ABLIM3: variants seen among roughly 807,000 people sequenced by gnomAD.
The protein encoded by ABLIM3 is actin binding LIM protein family member 3, also known as actin-binding LIM protein 3.
In ABLIM3, 61 loss-of-function variants were observed where a neutral mutation model predicts 109.5. That is an observed-to-expected ratio of 0.56 (90% CI 0.45 to 0.69). The LOEUF (loss-of-function observed/expected upper bound fraction) is 0.69. Among genes scored for constraint, ABLIM3 ranks in the 30% least tolerant of loss-of-function variants. The probability of loss-of-function intolerance (pLI) is 0.00; values close to 1 mark genes in which losing one functional copy is unlikely to be tolerated. For synonymous variants in ABLIM3, 300 were observed against 324.8 expected, an observed-to-expected ratio of 0.92 and a Z score of 0.82; for missense variants, 796 against 889.5, an observed-to-expected ratio of 0.89 and a Z score of 1.34.
intron 8 of ABLIM3, chr5:149,217,331 C>A: frequency 4.2e-6 from 2 of 471,128 alleles, no homozygotes; most frequent in Non-Finnish European, 7.8e-6. Flanking sequence ...TCTCCTGGCT[C>A]TGCCTTGGGG....
intron 4 of ABLIM3, chr5:149,199,243 A>C: frequency 2.5e-6 from 1 of 395,082 alleles, no homozygotes. Context: ...CATCATAAGT[A>C]AAGCATGATT....
chr5:149,242,838 CT>C (rs1752993922), intron 15 of ABLIM3, among the ~76,000 whole-genome samples: 2 of 152,314 alleles, frequency 1.3e-5, no homozygotes, highest in South Asian at 4.1e-4. Context: ...GCACATGCCC[CT>C]GGGAGAGTCA....
At chr5:149,203,638 AC>A (rs1758693913) in intron 5 of ABLIM3, among the ~76,000 whole-genome samples, 1 of 151,812 alleles carries the variant, frequency 6.6e-6, no homozygotes, top group South Asian at 2.1e-4. Context: ...ACCTTCGCCA[AC>A]GCTACCATAA....
chr5:149,237,073 C>G (rs1335507657), intron 10 of ABLIM3, among the ~76,000 whole-genome samples: 2 of 152,166 alleles, frequency 1.3e-5, no homozygotes, highest in Non-Finnish European at 2.9e-5. Context: ...CTGTGTAGTT[C>G]AGGCTGAATT....
At chr5:149,249,764 C>A in intron 18 of ABLIM3, 51 bp from the exon 19 acceptor site, 2 of 1,610,816 alleles carry the variant, frequency 1.2e-6, no homozygotes, top group South Asian at 2.2e-5. Flanking sequence ...TTGTCTTCAC[C>A]ATGTTTGTCT....
intron 21 of ABLIM3, among the ~76,000 whole-genome samples, chr5:149,251,805 T>G (rs1272018704): frequency 6.6e-6 from 1 of 152,160 alleles, no homozygotes; most frequent in Non-Finnish European, 1.5e-5. Context: ...CCAGTGATGC[T>G]TTCACACCAA....
At chr5:149,242,952 G>C (rs980089735) in intron 15 of ABLIM3, among the ~76,000 whole-genome samples, 1 of 152,168 alleles carries the variant, frequency 6.6e-6, no homozygotes, top group Non-Finnish European at 1.5e-5. Context: ...TTCTGTATGT[G>C]TCACGGTTTC....
chr5:149,214,801 C>T (rs775322496), intron 7 of ABLIM3, among the ~76,000 whole-genome samples: 4 of 152,182 alleles, frequency 2.6e-5, no homozygotes, highest in African/African-American at 9.7e-5. Flanking sequence ...TCCTTCCATC[C>T]CTGTCTGTTT....
At position 149,250,511 on chromosome 5, in the gene ABLIM3, A is replaced by T; in HGVS notation, c.1788+6A>T. 1 of 1,614,156 alleles carries T rather than the reference A, an allele frequency of 6.2e-7. No individual in the cohort carries two copies. The highest frequency in any genetic ancestry group is 2.2e-5 in the East Asian group (1 of 44,866). On this transcript the variant is annotated splice_donor_region_variant and intron_variant, in intron 20 of 23. Transcript: ENST00000309868. ...GAAGAAATGGGCTGCACAGGGTAAG[A>T]AGCTGTGCTGGAGGATGGGGGAGGA...
intron 22 of ABLIM3, chr5:149,252,494 T>C: frequency 3.6e-6 from 2 of 551,990 alleles, no homozygotes; most frequent in Non-Finnish European, 6.4e-6. Flanking sequence ...GGAGGTCATG[T>C]GCCCATATTA....
At chr5:149,159,411 C>A (rs1028294713) in intron 2 of ABLIM3, among the ~76,000 whole-genome samples, 4 of 152,276 alleles carry the variant, frequency 2.6e-5, no homozygotes, top group Admixed American at 2.0e-4. Flanking sequence ...AGCAAATTAT[C>A]TAGAGTGATA....
At chr5:149,248,014 G>GTGGACTGGCTCTGA in intron 18 of ABLIM3, 85 bp downstream of exon 18, 1 of 1,506,666 alleles carries the variant, frequency 6.6e-7, no homozygotes, top group Non-Finnish European at 8.9e-7. Context: ...CTCTGAGCCA[G>GTGGACTGGCTCTGA]GCTCCCTTGA....
intron 4 of ABLIM3, 31 bp from the exon 5 acceptor site, chr5:149,200,285 G>A: frequency 6.3e-7 from 1 of 1,587,552 alleles, no homozygotes; most frequent in Non-Finnish European, 8.7e-7. Context: ...AGAAGAGGGT[G>A]TGTTGAATTT....
At chr5:149,171,162 T>A (rs919916541) in intron 2 of ABLIM3, among the ~76,000 whole-genome samples, 17 of 152,326 alleles carry the variant, frequency 1.1e-4, no homozygotes, top group Admixed American at 1.1e-3. Context: ...GTGCCTATAG[T>A]ACTGGACTTA....
Position 149,141,669 on chromosome 5 carries a change from G to A in ABLIM3, c.-88+15G>A, listed in dbSNP as rs553021012. ...CTGGCCGAGAGGTGGGTTCCGGGGC[G>A]GGTCGCTGCTCCTTGAAGCCGGGCG... On this transcript the variant is annotated intron_variant, in intron 1 of 23. Coordinates refer to ENST00000309868, the MANE Select transcript of ABLIM3 (RefSeq NM_014945.5). 1.3e-3 allele frequency: 242 copies of A among 182,462 alleles called. 1 individual carries two copies. Among genetic ancestry groups the A allele is most frequent in the African/African-American group, 5.5e-3 (231 of 42,380 alleles). 11.3% of individuals were successfully genotyped at this position (182,462 alleles called of 1,614,324 possible).
chr5:149,190,230 T>G (rs1373449653), intron 3 of ABLIM3, among the ~76,000 whole-genome samples: 2 of 152,176 alleles, frequency 1.3e-5, no homozygotes, highest in Non-Finnish European at 2.9e-5. Context: ...AAGGAGTGAT[T>G]TGTAATGGGT....
intron 23 of ABLIM3, among the ~76,000 whole-genome samples, chr5:149,254,291 C>T (rs975948414): frequency 6.6e-6 from 1 of 152,116 alleles, no homozygotes; most frequent in African/African-American, 2.4e-5. Context: ...GGGGTCACTC[C>T]CCTTGTCCTC....
intron 2 of ABLIM3, among the ~76,000 whole-genome samples, chr5:149,147,111 GTA>G (rs893832206): frequency 9.9e-5 from 15 of 150,768 alleles, no homozygotes; most frequent in African/African-American, 1.2e-4. Context: ...CGCTCTCTGT[GTA>G]TGTGTGTGTG....
At chr5:149,213,907 C>T (rs934882723) in intron 7 of ABLIM3, among the ~76,000 whole-genome samples, 3 of 151,898 alleles carry the variant, frequency 2.0e-5, no homozygotes, top group Non-Finnish European at 4.4e-5. Context: ...CCAAGACATG[C>T]AGTGTTTTTC....
Sources: allele counts gnomAD v4.1 joint callset (sites outside exome capture counted in the v4.1 genomes callset), GRCh38; gene constraint gnomAD v4.1.1; transcripts MANE v1.5; gene names NCBI Gene and HGNC (gene_info 2026-07-23, HGNC 2026-07-21).